STX5: variants seen among roughly 807,000 people sequenced by gnomAD.
STX5 encodes syntaxin 5.
A neutral mutation model predicts 42.9 loss-of-function variants in STX5; 15 were observed. The observed-to-expected ratio is 0.35, with a 90% CI of 0.23 to 0.54. The LOEUF (loss-of-function observed/expected upper bound fraction) is 0.54, where lower values mean the gene tolerates loss of function less well. Ranked by LOEUF, STX5 falls within the 20% of genes least tolerant of loss-of-function variation. The probability of loss-of-function intolerance (pLI) is 0.91; values close to 1 mark genes in which losing one functional copy is unlikely to be tolerated. For missense variants in STX5, 430 were observed against 455.0 expected (o/e 0.95, Z 0.50); for synonymous variants, 184 against 173.2 (o/e 1.06, Z -0.49).
chr11:62,822,087 T>C (rs781206817), intron 10 of STX5, among the ~76,000 whole-genome samples: 8 of 151,702 alleles, frequency 5.3e-5, no homozygotes, highest in Non-Finnish European at 8.8e-5. Flanking sequence ...ATTTGGCCAG[T>C]TGTGATGGCT....
In STX5 at chr11:62,830,084, AAAGAG is replaced by A. The variant is rs1565216886; in HGVS notation, c.225+930_225+934del. The stretch of plus-strand genomic sequence containing the variant: ...CTTCTCAAAAAAAAAAAAAAAAAAA[AAAGAG>A]AGAGAGGAAGAGACTGGGCCTCGCT... On this transcript the variant is annotated intron_variant, in intron 2 of 10. Transcript: ENST00000294179. Among the ~76,000 whole-genome samples, 3 of 150,380 alleles carry A rather than the reference AAAGAG, an allele frequency of 2.0e-5. No individual in the cohort carries two copies. The South Asian group carries it at 6.5e-4, about 33-fold the overall frequency.
rs1473119516 is a variant in STX5 at position 62,831,133 on chromosome 11, G to C, written c.111C>G (p.Asp37Glu). ...TCACTGGGGGGGGCAGAGGGGCGAT[G>C]TCGCTGCTGCTACTGCCAGCAGTTG... is the stretch of plus-strand genomic sequence containing the variant. ...SPATAGSSSS[D>E]IAPLPPPVTL... The change falls in exon 2 of 11, where the codon GAC becomes GAG. Residue 37 changes from aspartate (D) to glutamate (E), a missense_variant. Coordinates refer to ENST00000294179, the MANE Select transcript of STX5 (RefSeq NM_003164.5). 17 of 1,555,898 alleles carry C rather than the reference G, an allele frequency of 1.1e-5. No individual in the cohort carries two copies. Among genetic ancestry groups the C allele is most frequent in the Non-Finnish European group, 1.5e-5 (17 of 1,149,698 alleles).
In STX5 at chr11:62,806,989, G is replaced by A. The variant is rs2084557061; in HGVS notation, c.*480C>T. ...AGCAGCCAATGTCAGGGGTTGTGCA[G>A]GCAGCTGAAGGGCTCAGGGCTCCCT... On this transcript the variant is annotated 3_prime_UTR_variant, in exon 11 of 11. Transcript: ENST00000294179. 1.9e-5 allele frequency: 3 copies of A among 154,300 alleles called. No homozygotes were observed. The South Asian group carries it at 5.8e-4, about 30-fold the overall frequency. 9.6% of individuals were successfully genotyped at this position (154,300 alleles called of 1,614,324 possible).
At chr11:62,813,560 A>C (rs1438685509) in intron 10 of STX5, among the ~76,000 whole-genome samples, 3 of 152,166 alleles carry the variant, frequency 2.0e-5, no homozygotes, top group African/African-American at 7.2e-5. Flanking sequence ...TAGTGGATTG[A>C]TGTTCAGAAA....
At chr11:62,829,091 A>AACAC (rs1017934121) in intron 2 of STX5, among the ~76,000 whole-genome samples, 4 of 150,494 alleles carry the variant, frequency 2.7e-5, no homozygotes, top group African/African-American at 5.0e-5. Context: ...CAAACAAACA[A>AACAC]ACACAAACTG....
At position 62,831,218 on chromosome 11, in the gene STX5, G is replaced by A. The variant is rs2084856869; in HGVS notation, c.26C>T (p.Ser9Phe). MIPRKRYG[S>F]KNTDQGVYLG... is the part of the protein sequence containing the mutation. ...GTAGACACCCTGATCCGTGTTCTTA[G>A]ACCCGTAGCGTTTCCGCGGGATCAT... The change falls in exon 2 of 11, where the codon TCT becomes TTT. Residue 9 changes from serine (S) to phenylalanine (F), a missense_variant. Transcript: ENST00000294179. The A allele has an allele frequency of 6.4e-7, 1 of 1,564,144 alleles. No homozygotes were observed. Among genetic ancestry groups the A allele is most frequent in the Non-Finnish European group, 8.7e-7 (1 of 1,153,076 alleles).
In STX5 at chr11:62,828,762, CAAAT is replaced by C. The variant is rs112511037; in HGVS notation, c.226-1135_226-1132del. Reference sequence around the variant, plus strand: ...ATAAATAAATAAACAAACAAACAAACAAATAAATAAATACAGTTACTTGGCCAGG... The same window carrying C: ...ATAAATAAATAAACAAACAAACAAACAAATAAATACAGTTACTTGGCCAGG... On this transcript the variant is annotated intron_variant, in intron 2 of 10. Coordinates refer to ENST00000294179, the MANE Select transcript of STX5 (RefSeq NM_003164.5). Among the ~76,000 whole-genome samples the C allele has an allele frequency of 1.1e-4, 17 of 148,824 alleles. No individual in the cohort carries two copies. In the South Asian group the frequency reaches 3.4e-3, roughly 30 times the overall value.
chr11:62,812,566 C>T (rs989734961), intron 10 of STX5, among the ~76,000 whole-genome samples: 41 of 151,910 alleles, frequency 2.7e-4, no homozygotes, highest in African/African-American at 9.2e-4. Context: ...CTACAGGCGC[C>T]GGTCACCACA....
intron 10 of STX5, 135 bp from the exon 11 acceptor site, chr11:62,807,763 C>T: frequency 6.9e-7 from 1 of 1,444,674 alleles, no homozygotes; most frequent in Middle Eastern, 1.8e-4. Context: ...ATAGAAAAGG[C>T]TTTGGAAGGG....
rs541581781 is a variant in STX5 at position 62,820,248 on chromosome 11, TGTA to T, written c.908+3915_908+3917del. ...TTAGCCGGGCGTGGTGGCGGGAGCC[TGTA>T]GTACCAGCTACTCGGGAGGCTGAGG... On this transcript the variant is annotated intron_variant, in intron 10 of 10. Coordinates refer to ENST00000294179, the MANE Select transcript of STX5 (RefSeq NM_003164.5). Among the ~76,000 whole-genome samples the T allele has an allele frequency of 6.6e-5, 10 of 151,220 alleles. No homozygotes were observed. In the South Asian group the frequency reaches 2.1e-3, roughly 32 times the overall value.
chr11:62,808,459 A>G (rs2084578311), intron 10 of STX5, among the ~76,000 whole-genome samples: 1 of 151,858 alleles, frequency 6.6e-6, no homozygotes, highest in South Asian at 2.1e-4. Flanking sequence ...CACCAAAAAA[A>G]AAGGTATATG....
Position 62,824,503 on chromosome 11 carries a change from T to C in STX5, c.742A>G (p.Met248Val), listed in dbSNP as rs372854168. ...AGCTGCTGGCTGGTCCGAGAGTCCA[T>C]CATGTCGATGGCGACATCCTTGGAG... ...HASKDVAIDM[M>V]DSRTSQQLQL... Residue 248 changes from methionine (M) to valine (V), a missense_variant, in exon 9 of 11, where the codon ATG (methionine) becomes GTG (valine). By Grantham distance (21) the Met-to-Val change is conservative. Transcript: ENST00000294179. 1 of 1,614,010 alleles carries C rather than the reference T, an allele frequency of 6.2e-7. No homozygotes were observed. The highest frequency in any genetic ancestry group is 8.5e-7 in the Non-Finnish European group (1 of 1,180,040).
chr11:62,821,180 C>G (rs1402261251), intron 10 of STX5, among the ~76,000 whole-genome samples: 1 of 151,650 alleles, frequency 6.6e-6, no homozygotes, highest in Non-Finnish European at 1.5e-5. Context: ...TGGTGGTGGG[C>G]ACCTATAATC....
intron 2 of STX5, among the ~76,000 whole-genome samples, chr11:62,829,748 G>C (rs1273885306): frequency 1.3e-5 from 2 of 151,860 alleles, no homozygotes; most frequent in Non-Finnish European, 2.9e-5. Flanking sequence ...CTTGGTGACA[G>C]AGTGAGACCA....
Position 62,825,423 on chromosome 11 carries a change from C to T in STX5, c.540G>A (p.Gln180=), listed in dbSNP as rs1189159628. ...THSNTIVVSL[Q]SKLASMSNDF... is the part of the protein sequence containing the mutation. ...CCCTCCCTTCCTCCCCAGGTCCCAC[C>T]TGCAAGGAGACCACAATGGTGTTGG... Residue 180 remains glutamine (Q), a splice_region_variant and synonymous_variant, in exon 6 of 11, where the codon CAG becomes CAA. Coordinates refer to ENST00000294179, the MANE Select transcript of STX5 (RefSeq NM_003164.5). 7 of 1,614,198 alleles carry T rather than the reference C, an allele frequency of 4.3e-6. No individual in the cohort carries two copies. Among genetic ancestry groups the T allele is most frequent in the Non-Finnish European group, 2.5e-6 (3 of 1,180,034 alleles).
intron 10 of STX5, among the ~76,000 whole-genome samples, chr11:62,820,070 T>C (rs535514633): frequency 1.3e-5 from 2 of 150,978 alleles, no homozygotes; most frequent in African/African-American, 4.9e-5. Flanking sequence ...GGGACGGAGA[T>C]TAAAATATGG....
At chr11:62,820,367 CAA>C (rs112508665) in intron 10 of STX5, among the ~76,000 whole-genome samples, 7 of 121,794 alleles carry the variant, frequency 5.7e-5, no homozygotes, top group South Asian at 2.6e-4. Context: ...GACTCTGTCT[CAA>C]AAAAAAAAAA....
At position 62,811,203 on chromosome 11, in the gene STX5, G is replaced by A. The variant is rs528127777; in HGVS notation, c.909-3575C>T. 3.3e-5 allele frequency among the ~76,000 whole-genome samples: 5 copies of A among 151,928 alleles called. No individual in the cohort carries two copies. In the East Asian group the frequency reaches 9.7e-4, roughly 29 times the overall value. On this transcript the variant is annotated intron_variant, in intron 10 of 10. Coordinates refer to ENST00000294179, the MANE Select transcript of STX5 (RefSeq NM_003164.5). ...AGTCTCTGGGTGGTCTATGCCCAGG[G>A]TTTCACCAAGAGGCCACTGTCCTAA...
At chr11:62,831,830 A>G in intron 1 of STX5, 124 bp downstream of exon 1, 1 of 446,062 alleles carries the variant, frequency 2.2e-6, no homozygotes, top group Admixed American at 2.4e-5. Flanking sequence ...GCTCACCCGG[A>G]GCCGGGCCGG....
Sources: gnomAD v4.1 joint callset for allele counts (sites outside exome capture counted in the v4.1 genomes callset) on GRCh38, gnomAD v4.1.1 for gene constraint, MANE v1.5 for transcripts, NCBI Gene and HGNC (gene_info 2026-07-23, HGNC 2026-07-21) for gene names.